Variants in ATRN observed in about 807,000 individuals in gnomAD.
ATRN encodes attractin, also known as attractin-2.
ATRN carries 54 observed loss-of-function variants against 178.7 expected under a neutral mutation model. The observed-to-expected ratio is 0.30, with a 90% CI of 0.24 to 0.38. ATRN has a LOEUF of 0.38. Ranked by LOEUF, ATRN falls within the 10% of genes least tolerant of loss-of-function variation. The pLI, the probability that ATRN is intolerant of heterozygous loss-of-function variation, is 1.00. For synonymous variants in ATRN, 636 were observed against 663.0 expected (o/e 0.96, Z 0.63); for missense variants, 1,443 against 1,815.1 (o/e 0.79, Z 3.73).
intron 7 of ATRN, 123 bp downstream of exon 7, chr20:3,559,606 C>A: frequency 2.8e-6 from 2 of 713,124 alleles, no homozygotes; most frequent in Non-Finnish European, 2.4e-6. Flanking sequence ...TTATTGGGGG[C>A]ATTATATAAT....
chr20:3,487,182 CAT>C (rs1455319125), intron 1 of ATRN, among the ~76,000 whole-genome samples: 1 of 152,062 alleles, frequency 6.6e-6, no homozygotes, highest in African/African-American at 2.4e-5. Flanking sequence ...TGCTTATTTT[CAT>C]AGTGTTATTT....
chr20:3,501,620 T>G (rs537175611), intron 1 of ATRN, among the ~76,000 whole-genome samples: 1 of 152,304 alleles, frequency 6.6e-6, no homozygotes, highest in South Asian at 2.1e-4. Flanking sequence ...TTTAAAAATC[T>G]GCTTGAAGGC....
At chr20:3,583,637 T>C (rs987951592) in intron 16 of ATRN, among the ~76,000 whole-genome samples, 1 of 151,994 alleles carries the variant, frequency 6.6e-6, no homozygotes, top group African/African-American at 2.4e-5. Context: ...TGAAACCCCA[T>C]CTCTACTAAA....
chr20:3,570,579 G>T (rs895461256), intron 11 of ATRN, among the ~76,000 whole-genome samples: 1 of 151,806 alleles, frequency 6.6e-6, no homozygotes, highest in Non-Finnish European at 1.5e-5. Flanking sequence ...AATATTTCAT[G>T]TGTTTTAATC....
intron 3 of ATRN, among the ~76,000 whole-genome samples, chr20:3,544,843 T>TA (rs11480876): frequency 1.3e-5 from 2 of 151,412 alleles, no homozygotes; most frequent in East Asian, 1.9e-4. Flanking sequence ...TTTTTTTTTT[T>TA]ACCAGTCACA....
chr20:3,562,577 A>G, intron 9 of ATRN, 118 bp downstream of exon 9: 2 of 957,360 alleles, frequency 2.1e-6, no homozygotes, highest in South Asian at 1.9e-5. Context: ...GTTCGGCATT[A>G]TATATAGAGA....
rs1400202422 is a variant in ATRN at position 3,646,758 on chromosome 20, C to T, written c.4201C>T (p.Gln1401Ter). 1 of 1,605,524 alleles carries T rather than the reference C, an allele frequency of 6.2e-7. No homozygotes were observed. The highest frequency in any genetic ancestry group is 1.7e-5 in the Admixed American group (1 of 58,942). ...GGCCAGCGCCCTGGTGGACATTTCTCAGCAGATGCCGATAGTGTACAAGGA... is the reference window on the plus strand; with the variant it reads ...GGCCAGCGCCCTGGTGGACATTTCTTAGCAGATGCCGATAGTGTACAAGGA... Reference protein sequence around the residue: ...AVASALVDISQQMPIVYKEKS... With the variant: ...AVASALVDIS The change falls in exon 29 of 29, where the codon CAG becomes TAG. Residue 1401 changes from glutamine (Q) to a stop codon, truncating the protein, a stop_gained. Transcript: ENST00000262919. LOFTEE classifies it high-confidence loss of function.
At chr20:3,548,772 G>A (rs1344547175) in intron 5 of ATRN, among the ~76,000 whole-genome samples, 1 of 152,136 alleles carries the variant, frequency 6.6e-6, no homozygotes, top group Non-Finnish European at 1.5e-5. Context: ...GTTTATATTA[G>A]GGACCTTGAG....
intron 12 of ATRN, among the ~76,000 whole-genome samples, chr20:3,573,304 G>A (rs1460710981): frequency 3.3e-5 from 5 of 152,168 alleles, no homozygotes; most frequent in Admixed American, 6.5e-5. Flanking sequence ...GGACTGTCCC[G>A]ATATGGTAGC....
Position 3,644,182 on chromosome 20 carries a change from C to T in ATRN, c.4079C>T (p.Pro1360Leu), listed in dbSNP as rs368025245. ...GTTCCCAAACCCATTGCACTGGAGC[C>T]GTGTTTTGGCAACAAAGCCGCTGTC... ...KTVPKPIALE[P>L]CFGNKAAVLS... is the part of the protein sequence containing the mutation. The change falls in exon 28 of 29, where the codon CCG becomes CTG. Residue 1360 changes from proline (P) to leucine (L), a missense_variant. Coordinates refer to ENST00000262919, the MANE Select transcript of ATRN (RefSeq NM_139321.3). 8.1e-6 allele frequency: 13 copies of T among 1,614,014 alleles called. No individual in the cohort carries two copies. The highest frequency in any genetic ancestry group is 3.3e-5 in the Admixed American group (2 of 59,992).
At chr20:3,523,654 G>C (rs1011076051) in intron 1 of ATRN, among the ~76,000 whole-genome samples, 2 of 152,162 alleles carry the variant, frequency 1.3e-5, no homozygotes, top group Non-Finnish European at 2.9e-5. Context: ...AAAGTGTTAA[G>C]GGCAGCCAGA....
At chr20:3,617,273 G>T (rs2086857106) in intron 24 of ATRN, among the ~76,000 whole-genome samples, 1 of 152,138 alleles carries the variant, frequency 6.6e-6, no homozygotes, top group African/African-American at 2.4e-5. Context: ...AGAAGAAAAG[G>T]GAGGGCTGAG....
chr20:3,595,174 C>G (rs1476378240), intron 20 of ATRN, among the ~76,000 whole-genome samples: 1 of 152,218 alleles, frequency 6.6e-6, no homozygotes, highest in African/African-American at 2.4e-5. Context: ...CACTGTTCCC[C>G]CCATCTGTCA....
In ATRN at chr20:3,645,839, G is replaced by A. The variant is rs1600176688; in HGVS notation, c.4166-884G>A. ...TCCTGGCAGGTCTCAGCAGAGCTCC[G>A]AGCCTGCGCTGGCCATTTCCCACGT... is the stretch of plus-strand genomic sequence containing the variant. On this transcript the variant is annotated intron_variant, in intron 28 of 28. Transcript: ENST00000262919. The surrounding 1 kb of genome is among the most constrained non-coding windows in gnomAD (Gnocchi z 4.7). 6.6e-6 allele frequency among the ~76,000 whole-genome samples: 1 copy of A among 151,338 alleles called. No homozygotes were observed. The highest frequency in any genetic ancestry group is 6.6e-5 in the Admixed American group (1 of 15,166).
intron 5 of ATRN, among the ~76,000 whole-genome samples, chr20:3,548,188 A>AGG (rs1333742887): frequency 6.6e-6 from 1 of 152,312 alleles, no homozygotes; most frequent in Non-Finnish European, 1.5e-5. Context: ...CAGAAGATGG[A>AGG]TAGTTTGTAT....
chr20:3,603,267 G>A (rs1264412669), intron 23 of ATRN, among the ~76,000 whole-genome samples: 1 of 152,174 alleles, frequency 6.6e-6, no homozygotes, highest in Non-Finnish European at 1.5e-5. Context: ...TAGGCAGTGA[G>A]CGGTACATCA....
At chr20:3,534,539 G>A (rs533684189) in intron 1 of ATRN, among the ~76,000 whole-genome samples, 37 of 152,312 alleles carry the variant, frequency 2.4e-4, no homozygotes, top group African/African-American at 8.9e-4. Flanking sequence ...AGATGACTCA[G>A]AAGGTAAGGG....
intron 1 of ATRN, among the ~76,000 whole-genome samples, chr20:3,528,997 A>G (rs1297668307): frequency 6.6e-6 from 1 of 152,082 alleles, no homozygotes; most frequent in Non-Finnish European, 1.5e-5. Flanking sequence ...GTGTTTTTGT[A>G]GAGACTAGGT....
In ATRN at chr20:3,553,904, G is replaced by A. The variant is rs547125480; in HGVS notation, c.1112+4566G>A. Among the ~76,000 whole-genome samples the A allele has an allele frequency of 2.0e-5, 3 of 152,162 alleles. No individual in the cohort carries two copies. The South Asian group carries it at 6.2e-4, about 32-fold the overall frequency. ...TTTATGGCAGTGTTAGTGATTTTTTGTTATGTCAGTGCACACTGTTGTACT... is the reference window on the plus strand; with the variant it reads ...TTTATGGCAGTGTTAGTGATTTTTTATTATGTCAGTGCACACTGTTGTACT... On this transcript the variant is annotated intron_variant, in intron 6 of 28. Coordinates refer to ENST00000262919, the MANE Select transcript of ATRN (RefSeq NM_139321.3).
Sources: gnomAD v4.1 joint callset for allele counts (sites outside exome capture counted in the v4.1 genomes callset) on GRCh38, gnomAD v4.1.1 for gene constraint, Gnocchi (gnomAD v3.1) non-coding constraint, MANE v1.5 for transcripts, NCBI Gene and HGNC (gene_info 2026-07-23, HGNC 2026-07-21) for gene names.